EBF2: variants seen among roughly 807,000 people sequenced by gnomAD.
EBF2 encodes transcription factor COE2.
EBF2 carries 21 observed loss-of-function variants against 72.8 expected under a neutral mutation model. The observed-to-expected ratio is 0.29, with a 90% CI of 0.20 to 0.42. The LOEUF is 0.42. Ranked by LOEUF, EBF2 falls within the 10% of genes least tolerant of loss-of-function variation. EBF2 has a pLI of 1.00. For missense variants in EBF2, 637 were observed against 731.2 expected (o/e 0.87, Z 1.49); for synonymous variants, 299 against 274.2 (o/e 1.09, Z -0.89).
At chr8:26,039,888 A>C in intron 5 of EBF2, 140 bp downstream of exon 5, 1 of 798,144 alleles carries the variant, frequency 1.3e-6, no homozygotes. Flanking sequence ...GTGGATCTAC[A>C]CTCTGCGCCC....
At chr8:25,940,175 G>A (rs1803645883) in intron 6 of EBF2, among the ~76,000 whole-genome samples, 1 of 152,188 alleles carries the variant, frequency 6.6e-6, no homozygotes, top group Non-Finnish European at 1.5e-5. Flanking sequence ...AGAGATACGG[G>A]CAGCCCCTAC....
At chr8:25,919,898 A>G (rs898754414) in intron 6 of EBF2, among the ~76,000 whole-genome samples, 1 of 152,252 alleles carries the variant, frequency 6.6e-6, no homozygotes, top group African/African-American at 2.4e-5. Flanking sequence ...AGGCTGTCAC[A>G]GGTTTTCAGA....
In EBF2 at chr8:26,042,194, T is replaced by C. The variant is rs772251966; in HGVS notation, c.189A>G (p.Lys63=). ...CCAGGACGAAGTGAAAGAAGTTGGA[T>C]TTCCTCAAGTTGGAAGGAGGCTGTT... is the stretch of plus-strand genomic sequence containing the variant. ...FEKQPPSNLR[K]SNFFHFVLAL... is the part of the protein sequence containing the mutation. The change falls in exon 2 of 16, where the codon AAA becomes AAG. Residue 63 remains lysine (K), a synonymous_variant. Coordinates refer to ENST00000520164, the MANE Select transcript of EBF2 (RefSeq NM_022659.4). 1 of 1,614,138 alleles carries C rather than the reference T, an allele frequency of 6.2e-7. No individual in the cohort carries two copies. Among genetic ancestry groups the C allele is most frequent in the Admixed American group, 1.7e-5 (1 of 60,012 alleles).
At chr8:25,952,128 A>G (rs1436303798) in intron 6 of EBF2, among the ~76,000 whole-genome samples, 1 of 152,098 alleles carries the variant, frequency 6.6e-6, no homozygotes. Context: ...CCGTGTATCT[A>G]CAAAAAAAAA....
intron 6 of EBF2, among the ~76,000 whole-genome samples, chr8:25,947,674 T>C (rs1315828537): frequency 6.6e-6 from 1 of 152,146 alleles, no homozygotes; most frequent in Non-Finnish European, 1.5e-5. Context: ...ATTGGAAGTG[T>C]TGCAACACGA....
chr8:25,873,474 T>C (rs4292694), intron 10 of EBF2, among the ~76,000 whole-genome samples: 82,642 of 151,954 alleles, frequency 0.54, 23,825 homozygotes, highest in African/African-American at 0.74. Context: ...CCATTTGTTT[T>C]AATGTAGCAA....
At chr8:26,019,067 TTATTTA>T (rs1805162462) in intron 6 of EBF2, among the ~76,000 whole-genome samples, 1 of 152,170 alleles carries the variant, frequency 6.6e-6, no homozygotes, top group South Asian at 2.1e-4. Context: ...GGAGAGGCTT[TTATTTA>T]CTCCCTGGGT....
chr8:25,992,623 G>A (rs562143295), intron 6 of EBF2, among the ~76,000 whole-genome samples: 1 of 152,100 alleles, frequency 6.6e-6, no homozygotes, highest in South Asian at 2.1e-4. Context: ...TTAAGGCCAG[G>A]CATGGTGGGT....
At chr8:25,931,335 A>AG (rs1803476145) in intron 6 of EBF2, among the ~76,000 whole-genome samples, 1 of 152,196 alleles carries the variant, frequency 6.6e-6, no homozygotes, top group African/African-American at 2.4e-5. Context: ...AGCACCTTGG[A>AG]GATCAATGCA....
chr8:25,875,469 T>C lies in EBF2; in HGVS notation c.1009+11286A>G, dbSNP rs544823212. Among the ~76,000 whole-genome samples the C allele has an allele frequency of 2.0e-5, 3 of 152,332 alleles. No individual in the cohort carries two copies. In the East Asian group the frequency reaches 5.8e-4, roughly 29 times the overall value. On this transcript the variant is annotated intron_variant, in intron 10 of 15. Coordinates refer to ENST00000520164, the MANE Select transcript of EBF2 (RefSeq NM_022659.4). ...CAGACTGCCCCAGCGCCAGGTTCTC[T>C]CAAGCTTAATAAAAATGTGGAGTTC... is the stretch of plus-strand genomic sequence containing the variant.
intron 10 of EBF2, among the ~76,000 whole-genome samples, chr8:25,883,357 AC>A (rs1056011806): frequency 6.7e-6 from 1 of 149,958 alleles, no homozygotes; most frequent in Non-Finnish European, 1.5e-5. Flanking sequence ...TGCCCCTATA[AC>A]CCTTTTTTAT....
In EBF2 at chr8:25,887,869, C is replaced by T. The variant is rs745571289; in HGVS notation, c.855G>A (p.Val285=). 6.8e-6 allele frequency: 11 copies of T among 1,613,134 alleles called. No individual in the cohort carries two copies. The East Asian group carries it at 1.6e-4, about 23-fold the overall frequency. ...GDNFFDGLQV[V]FGTMLVWSEL... is the part of the protein sequence containing the mutation. Reference sequence around the variant, plus strand: ...CGCTCCATACAAGCATAGTCCCAAACACCACTTGGAGACCATCAAAGAAGT... The same window carrying T: ...CGCTCCATACAAGCATAGTCCCAAATACCACTTGGAGACCATCAAAGAAGT... The change falls in exon 9 of 16, where the codon GTG becomes GTA. Residue 285 remains valine, a synonymous_variant. Coordinates refer to ENST00000520164, the MANE Select transcript of EBF2 (RefSeq NM_022659.4).
At chr8:26,042,024 A>G in intron 2 of EBF2, 71 bp downstream of exon 2, 1 of 1,561,430 alleles carries the variant, frequency 6.4e-7, no homozygotes, top group East Asian at 2.3e-5. Flanking sequence ...CGAGAGTGAC[A>G]GATGGAATCT....
In EBF2 at chr8:25,933,004, CTG is replaced by C. The variant is rs1277694510; in HGVS notation, c.552-24451_552-24450del. 1.5e-4 allele frequency among the ~76,000 whole-genome samples: 23 copies of C among 152,258 alleles called. 1 individual carries two copies. The highest frequency in any genetic ancestry group is 1.5e-5 in the Non-Finnish European group (1 of 68,026). On this transcript the variant is annotated intron_variant, in intron 6 of 15. Coordinates refer to ENST00000520164, the MANE Select transcript of EBF2 (RefSeq NM_022659.4). ...TATATTCAAACTCAGTGAAGGCAAA[CTG>C]TGCTTAAAGGGGCAGCCCATCAGTA...
intron 6 of EBF2, among the ~76,000 whole-genome samples, chr8:25,913,465 T>A (rs997405653): frequency 6.6e-6 from 1 of 152,032 alleles, no homozygotes; most frequent in South Asian, 2.1e-4. Context: ...GGAATTCACA[T>A]AGAAGGAATG....
intron 6 of EBF2, among the ~76,000 whole-genome samples, chr8:26,021,834 C>A (rs1002132561): frequency 6.6e-6 from 1 of 152,186 alleles, no homozygotes; most frequent in Non-Finnish European, 1.5e-5. Context: ...GAGGAGTAAG[C>A]AAACCCGTGC....
chr8:25,936,100 A>T (rs1803574325), intron 6 of EBF2, among the ~76,000 whole-genome samples: 1 of 152,166 alleles, frequency 6.6e-6, no homozygotes, highest in Admixed American at 6.5e-5. Flanking sequence ...GGAGTAGAGA[A>T]GAGTATGCTA....
chr8:25,942,921 G>A (rs1247202881), intron 6 of EBF2, among the ~76,000 whole-genome samples: 1 of 152,162 alleles, frequency 6.6e-6, no homozygotes, highest in African/African-American at 2.4e-5. Flanking sequence ...TCACTGATGA[G>A]TGCGTGGTGC....
chr8:25,944,805 A>G (rs940640496), intron 6 of EBF2, among the ~76,000 whole-genome samples: 12 of 150,158 alleles, frequency 8.0e-5, no homozygotes, highest in Non-Finnish European at 1.5e-4. Context: ...ATATGTATTT[A>G]TATACACACT....
Sources: allele counts gnomAD v4.1 joint callset (sites outside exome capture counted in the v4.1 genomes callset), GRCh38; gene constraint gnomAD v4.1.1; transcripts MANE v1.5; gene names NCBI Gene and HGNC (gene_info 2026-07-23, HGNC 2026-07-21).